The following UNC5D variants were observed in gnomAD, a reference collection of about 807,000 sequenced individuals.
The protein encoded by UNC5D is unc-5 netrin receptor D, also known as netrin receptor UNC5D.
A neutral mutation model predicts 105.4 loss-of-function variants in UNC5D; 39 were observed. The observed-to-expected ratio is 0.37, with a 90% confidence interval of 0.29 to 0.48. The LOEUF (loss-of-function observed/expected upper bound fraction) is 0.48, where lower values mean the gene tolerates loss of function less well. Among genes scored for constraint, UNC5D ranks in the 20% least tolerant of loss-of-function variants. UNC5D has a pLI of 0.98. For missense variants in UNC5D, 991 were observed against 1,202.4 expected (o/e 0.82, Z 2.60); for synonymous variants, 452 against 450.4 (o/e 1.00, Z -0.04).
At chr8:35,604,874 T>G (rs1242784140) in intron 4 of UNC5D, among the ~76,000 whole-genome samples, 1 of 152,228 alleles carries the variant, frequency 6.6e-6, no homozygotes, top group East Asian at 1.9e-4. Flanking sequence ...GTAGTTCTCG[T>G]GCCATGGTTT....
intron 16 of UNC5D, among the ~76,000 whole-genome samples, chr8:35,786,678 C>T (rs1444428751): frequency 1.3e-5 from 2 of 151,980 alleles, no homozygotes; most frequent in Non-Finnish European, 2.9e-5. Context: ...TCTCAGAGTG[C>T]CTGAGGCAGG....
At chr8:35,788,420 C>A (rs970919234) in intron 16 of UNC5D, among the ~76,000 whole-genome samples, 10 of 152,132 alleles carry the variant, frequency 6.6e-5, no homozygotes, top group Non-Finnish European at 1.2e-4. Context: ...TCTATCCTTA[C>A]TGTAAAAGTC....
chr8:35,778,650 A>T (rs973155569), intron 16 of UNC5D, among the ~76,000 whole-genome samples: 4 of 152,032 alleles, frequency 2.6e-5, no homozygotes, highest in Non-Finnish European at 5.9e-5. Context: ...CTTTCGCCTG[A>T]CTCTTCCCCT....
chr8:35,249,293 C>A (rs969496283), intron 1 of UNC5D, among the ~76,000 whole-genome samples: 5 of 149,780 alleles, frequency 3.3e-5, no homozygotes, highest in African/African-American at 1.2e-4. Context: ...CGTGGTGGCT[C>A]ACGCCTGTAA....
intron 1 of UNC5D, among the ~76,000 whole-genome samples, chr8:35,538,439 A>ATATATG (rs1563514252): frequency 2.7e-4 from 34 of 126,818 alleles, no homozygotes; most frequent in African/African-American, 8.3e-4. Flanking sequence ...ATATATATAT[A>ATATATG]TGAATTTTAT....
At chr8:35,602,198 G>C (rs1474120154) in intron 4 of UNC5D, among the ~76,000 whole-genome samples, 1 of 152,098 alleles carries the variant, frequency 6.6e-6, no homozygotes, top group African/African-American at 2.4e-5. Flanking sequence ...AGTTTGGTTT[G>C]CCCGTATTTT....
intron 1 of UNC5D, among the ~76,000 whole-genome samples, chr8:35,351,989 A>G (rs1478711399): frequency 6.6e-6 from 1 of 152,118 alleles, no homozygotes. Context: ...AAAGTGATTC[A>G]CATATTTCAA....
In UNC5D at chr8:35,457,102, G is replaced by A. The variant is rs1015305439; in HGVS notation, c.104-92190G>A. 7.2e-5 allele frequency among the ~76,000 whole-genome samples: 11 copies of A among 152,130 alleles called. No homozygotes were observed. In the East Asian group the frequency reaches 1.2e-3, roughly 16 times the overall value. On this transcript the variant is annotated intron_variant, in intron 1 of 16. Transcript: ENST00000404895. ...TGTTAAAGGGATAATAATACCTGCC[G>A]TTAATTAGGGTTGATTTGAAAATGA...
chr8:35,572,639 A>G (rs962588987), intron 3 of UNC5D, among the ~76,000 whole-genome samples: 1 of 152,130 alleles, frequency 6.6e-6, no homozygotes, highest in Admixed American at 6.5e-5. Flanking sequence ...GTTTGTATCA[A>G]GTTGTATCCA....
At chr8:35,413,738 C>T (rs1160018241) in intron 1 of UNC5D, among the ~76,000 whole-genome samples, 1 of 152,046 alleles carries the variant, frequency 6.6e-6, no homozygotes, top group Admixed American at 6.6e-5. Context: ...TTCATAAATG[C>T]CATGTACAAG....
intron 4 of UNC5D, among the ~76,000 whole-genome samples, chr8:35,623,210 C>T (rs527540594): frequency 1.3e-5 from 2 of 152,182 alleles, no homozygotes; most frequent in South Asian, 4.2e-4. Context: ...GGCTATCAGA[C>T]CATTCCCATA....
intron 1 of UNC5D, among the ~76,000 whole-genome samples, chr8:35,308,422 G>T (rs766255839): frequency 1.3e-5 from 2 of 152,030 alleles, no homozygotes; most frequent in Non-Finnish European, 2.9e-5. Flanking sequence ...CTACCCCAGG[G>T]AAGTCCAATT....
At chr8:35,438,123 CAAAA>C (rs797015193) in intron 1 of UNC5D, among the ~76,000 whole-genome samples, 3 of 151,114 alleles carry the variant, frequency 2.0e-5, no homozygotes, top group African/African-American at 7.3e-5. Flanking sequence ...AAACAAAAAA[CAAAA>C]AAAACCCACA....
intron 13 of UNC5D, among the ~76,000 whole-genome samples, chr8:35,753,641 A>G (rs79272163): frequency 1.1e-4 from 16 of 152,318 alleles, no homozygotes; most frequent in Non-Finnish European, 2.4e-4. Context: ...CATTTGTCCT[A>G]ATCTTTTTAC....
At chr8:35,674,148 T>C (rs1825031333) in intron 4 of UNC5D, among the ~76,000 whole-genome samples, 1 of 152,202 alleles carries the variant, frequency 6.6e-6, no homozygotes, top group African/African-American at 2.4e-5. Flanking sequence ...ACTCTAACAA[T>C]GTTGCCATTC....
At chr8:35,739,835 C>T (rs1563723211) in intron 11 of UNC5D, among the ~76,000 whole-genome samples, 1 of 152,184 alleles carries the variant, frequency 6.6e-6, no homozygotes, top group African/African-American at 2.4e-5. Flanking sequence ...TACCCAAAGA[C>T]ACCAGCCCAC....
intron 1 of UNC5D, among the ~76,000 whole-genome samples, chr8:35,345,813 G>T (rs974286717): frequency 2.6e-5 from 4 of 151,910 alleles, no homozygotes; most frequent in African/African-American, 9.7e-5. Context: ...GAGGAACAGA[G>T]ATTTTATGAT....
intron 4 of UNC5D, 39 bp from the exon 5 acceptor site, chr8:35,683,507 AT>A (rs1402109009): frequency 5.2e-6 from 8 of 1,537,784 alleles, no homozygotes; most frequent in Admixed American, 2.5e-5. Flanking sequence ...AAGAGTTCTG[AT>A]TTTTTTAGTG....
At chr8:35,744,747 A>G (rs559775050) in intron 11 of UNC5D, among the ~76,000 whole-genome samples, 1 of 152,068 alleles carries the variant, frequency 6.6e-6, no homozygotes, top group East Asian at 1.9e-4. Context: ...TGACCTAAGC[A>G]GGAAAAAAAA....
Sources: gnomAD v4.1 joint callset for allele counts (sites outside exome capture counted in the v4.1 genomes callset) on GRCh38, gnomAD v4.1.1 for gene constraint, MANE v1.5 for transcripts, NCBI Gene and HGNC (gene_info 2026-07-23, HGNC 2026-07-21) for gene names.